The following PREX2 variants were observed in gnomAD, a reference collection of about 807,000 sequenced individuals.
The protein encoded by PREX2 is phosphatidylinositol-3,4,5-trisphosphate dependent Rac exchange factor 2, also known as phosphatidylinositol 3,4,5-trisphosphate-dependent Rac exchanger 2 protein.
Under a neutral mutation model 203.2 loss-of-function variants are expected in PREX2, and 107 were observed. That is an observed-to-expected ratio of 0.53 (90% CI 0.45 to 0.62). The LOEUF (loss-of-function observed/expected upper bound fraction) is 0.62, where lower values mean the gene tolerates loss of function less well. PREX2 is among the 20% of genes least tolerant of loss of function. The probability of loss-of-function intolerance (pLI) is 0.00; values close to 1 mark genes in which losing one functional copy is unlikely to be tolerated. For missense variants in PREX2, 1,777 were observed against 1,955.9 expected (o/e 0.91, Z 1.72); for synonymous variants, 672 against 663.6 (o/e 1.01, Z -0.19).
At chr8:68,162,867 A>G (rs1262094003) in intron 35 of PREX2, among the ~76,000 whole-genome samples, 1 of 152,242 alleles carries the variant, frequency 6.6e-6, no homozygotes, top group Non-Finnish European at 1.5e-5. Context: ...ATAAGCTCAC[A>G]GACAAATTAA....
chr8:68,224,633 G>A lies in PREX2; in HGVS notation c.4775+7G>A. On this transcript the variant is annotated splice_region_variant and intron_variant, in intron 39 of 39. Transcript: ENST00000288368. The stretch of plus-strand genomic sequence containing the variant: ...CTCCACAGTCTGCACCAAGGTAAGT[G>A]CATCCCCTGCTCTGCCCTTGCCCGA... The A allele has an allele frequency of 1.9e-6, 3 of 1,609,810 alleles. No individual in the cohort carries two copies. The highest frequency in any genetic ancestry group is 2.6e-6 in the Non-Finnish European group (3 of 1,176,402).
At chr8:68,083,609 T>C (rs899356048) in intron 18 of PREX2, among the ~76,000 whole-genome samples, 1 of 152,188 alleles carries the variant, frequency 6.6e-6, no homozygotes, top group Non-Finnish European at 1.5e-5. Flanking sequence ...GTGGAAACAA[T>C]GCTTTTCTTT....
At chr8:68,003,831 T>C (rs1416185511) in intron 1 of PREX2, among the ~76,000 whole-genome samples, 1 of 146,666 alleles carries the variant, frequency 6.8e-6, no homozygotes, top group Non-Finnish European at 1.5e-5. Context: ...CAGGAGGTCT[T>C]CTGGCCTGAC....
chr8:68,186,949 G>A (rs1426422799), intron 35 of PREX2, among the ~76,000 whole-genome samples: 1 of 151,798 alleles, frequency 6.6e-6, no homozygotes, highest in Non-Finnish European at 1.5e-5. Flanking sequence ...TTGAAGACTT[G>A]TATCAAGTCA....
rs528454997 is a variant in PREX2 at position 67,984,443 on chromosome 8, T to C, written c.141+31908T>C. Among the ~76,000 whole-genome samples, 28 of 152,374 alleles carry C rather than the reference T, an allele frequency of 1.8e-4. 1 individual carries two copies. Among genetic ancestry groups the C allele is most frequent in the African/African-American group, 6.7e-4 (28 of 41,590 alleles). On this transcript the variant is annotated intron_variant, in intron 1 of 39. Coordinates refer to ENST00000288368, the MANE Select transcript of PREX2 (RefSeq NM_024870.4). The stretch of plus-strand genomic sequence containing the variant: ...TAGGCATGAAATCCAGAGTATGTTA[T>C]CGCAGTGTCATGGTGATGTGCATAC...
In PREX2 at chr8:67,965,067, A is replaced by G. The variant is rs1805729945; in HGVS notation, c.141+12532A>G. Reference sequence around the variant, plus strand: ...CGGAAGTACACAGAAGCTAGAAATCAGGAAGGAACAGTAGTTCATTTCAGG... The same window carrying G: ...CGGAAGTACACAGAAGCTAGAAATCGGGAAGGAACAGTAGTTCATTTCAGG... On this transcript the variant is annotated intron_variant, in intron 1 of 39. Coordinates refer to ENST00000288368, the MANE Select transcript of PREX2 (RefSeq NM_024870.4). Among the ~76,000 whole-genome samples, 3 of 152,226 alleles carry G rather than the reference A, an allele frequency of 2.0e-5. No individual in the cohort carries two copies. In the South Asian group the frequency reaches 6.2e-4, roughly 32 times the overall value.
At chr8:68,181,338 T>C (rs1384663826) in intron 35 of PREX2, among the ~76,000 whole-genome samples, 1 of 152,170 alleles carries the variant, frequency 6.6e-6, no homozygotes, top group Non-Finnish European at 1.5e-5. Context: ...CTAATGTCTG[T>C]ATATCTATAA....
At chr8:68,071,500 CT>C (rs1262161912) in intron 13 of PREX2, among the ~76,000 whole-genome samples, 2 of 152,118 alleles carry the variant, frequency 1.3e-5, no homozygotes, top group African/African-American at 4.8e-5. Context: ...CACTTCAAGT[CT>C]TTTGCAGTTT....
chr8:68,060,547 G>C (rs1383387653), intron 10 of PREX2, 132 bp from the exon 11 acceptor site: 1 of 632,820 alleles, frequency 1.6e-6, no homozygotes, highest in Non-Finnish European at 2.8e-6. Flanking sequence ...AAAATAATCT[G>C]TTGAAATGTG....
At chr8:68,092,460 T>G (rs1455033917) in intron 20 of PREX2, among the ~76,000 whole-genome samples, 1 of 152,218 alleles carries the variant, frequency 6.6e-6, no homozygotes, top group East Asian at 1.9e-4. Flanking sequence ...ATTTAACATC[T>G]TATCTAGAAA....
chr8:67,952,257 T>G lies in PREX2; in HGVS notation c.-138T>G. 6.1e-6 allele frequency: 4 copies of G among 659,552 alleles called. No individual in the cohort carries two copies. Among genetic ancestry groups the G allele is most frequent in the Non-Finnish European group, 8.7e-6 (4 of 461,818 alleles). 40.9% of individuals were successfully genotyped at this position (659,552 alleles called of 1,614,324 possible). ...CCCTGCGCCCAGCCTCTCCCCAGCA[T>G]GTAAAGTCTTCTGTCTCTCCTCGGA... On this transcript the variant is annotated 5_prime_UTR_variant, in exon 1 of 40. It removes an upstream start codon present in the reference 5' UTR. Coordinates refer to ENST00000288368, the MANE Select transcript of PREX2 (RefSeq NM_024870.4).
intron 33 of PREX2, among the ~76,000 whole-genome samples, chr8:68,143,815 G>A (rs1462656021): frequency 6.6e-6 from 1 of 152,030 alleles, no homozygotes; most frequent in African/African-American, 2.4e-5. Flanking sequence ...GAATTGTATG[G>A]TTTTTCATTT....
intron 1 of PREX2, among the ~76,000 whole-genome samples, chr8:67,992,065 C>T (rs536223346): frequency 2.4e-4 from 36 of 152,216 alleles, no homozygotes; most frequent in African/African-American, 6.0e-4. Flanking sequence ...GAAGAGGGAG[C>T]GTGTAGATTC....
chr8:68,103,973 C>T (rs769006459), intron 23 of PREX2, among the ~76,000 whole-genome samples: 8 of 152,310 alleles, frequency 5.3e-5, no homozygotes, highest in Middle Eastern at 3.4e-3. Flanking sequence ...CCATATCTCA[C>T]GCTTCACATG....
Position 67,975,272 on chromosome 8 carries a change from G to GTTTTTTTTTTTT in PREX2, c.141+22753_141+22764dup, listed in dbSNP as rs75276095. ...GGCTGATGTTACCTGCACACGGCCT[G>GTTTTTTTTTTTT]TTTTTTTTTTTTTTTTTTTTTTTTT... On this transcript the variant is annotated intron_variant, in intron 1 of 39. Coordinates refer to ENST00000288368, the MANE Select transcript of PREX2 (RefSeq NM_024870.4). Among the ~76,000 whole-genome samples the GTTTTTTTTTTTT allele has an allele frequency of 5.2e-5, 5 of 96,822 alleles. 2 individuals carry two copies. The highest frequency in any genetic ancestry group is 8.1e-5 in the Non-Finnish European group (4 of 49,238). The allele number at this position is 96,822 out of a possible 152,430, so 63.5% of individuals were successfully genotyped here. A position where few individuals can be genotyped will look rare whatever the true frequency, so the allele number is the denominator to read the frequency against.
chr8:68,216,800 A>G (rs1344816199), intron 37 of PREX2, among the ~76,000 whole-genome samples: 3 of 152,100 alleles, frequency 2.0e-5, no homozygotes, highest in Non-Finnish European at 2.9e-5. Flanking sequence ...TACTAAAAAT[A>G]CAAAAATTAG....
At chr8:68,025,813 A>C (rs1807701066) in intron 4 of PREX2, among the ~76,000 whole-genome samples, 1 of 152,124 alleles carries the variant, frequency 6.6e-6, no homozygotes, top group African/African-American at 2.4e-5. Flanking sequence ...CTCGTCAGCC[A>C]GTCTAAAGTG....
chr8:68,039,022 C>T (rs758449015), intron 7 of PREX2, among the ~76,000 whole-genome samples: 2 of 152,186 alleles, frequency 1.3e-5, no homozygotes, highest in Admixed American at 6.6e-5. Context: ...CCTCTATCCT[C>T]CTAGCTGTAT....
intron 1 of PREX2, among the ~76,000 whole-genome samples, chr8:67,968,127 GTC>G (rs1805827993): frequency 6.6e-6 from 1 of 151,342 alleles, no homozygotes; most frequent in South Asian, 2.1e-4. Context: ...CTGTGGTATT[GTC>G]TCTCTGATTG....
Sources: gnomAD v4.1 joint callset for allele counts (sites outside exome capture counted in the v4.1 genomes callset) on GRCh38, gnomAD v4.1.1 for gene constraint, MANE v1.5 for transcripts, NCBI Gene and HGNC (gene_info 2026-07-23, HGNC 2026-07-21) for gene names.